DOP1B: variants seen among roughly 807,000 people sequenced by gnomAD.
The protein encoded by DOP1B is protein DOP1B.
Under a neutral mutation model 233.5 loss-of-function variants are expected in DOP1B, and 174 were observed. The observed-to-expected ratio is 0.75, with a 90% CI of 0.66 to 0.85. The LOEUF is 0.85. Ranked by LOEUF, DOP1B falls within the 40% of genes least tolerant of loss-of-function variation. DOP1B has a pLI of 0.00. For missense variants in DOP1B, 2,652 were observed against 2,846.6 expected (o/e 0.93, Z 1.56); for synonymous variants, 1,190 against 1,185.6 (o/e 1.00, Z -0.08).
At chr21:36,167,914 ATTTTC>A (rs1192987046) in intron 2 of DOP1B, among the ~76,000 whole-genome samples, 5 of 106,396 alleles carry the variant, frequency 4.7e-5, no homozygotes, top group Admixed American at 1.1e-4. Flanking sequence ...GGTAAGTCAC[ATTTTC>A]TTTTCTTTTC....
Position 36,245,188 on chromosome 21 carries a change from G to A in DOP1B, c.3208G>A (p.Glu1070Lys), listed in dbSNP as rs777497496. The A allele has an allele frequency of 1.4e-5, 23 of 1,613,948 alleles. No homozygotes were observed. Among genetic ancestry groups the A allele is most frequent in the Middle Eastern group, 1.6e-4 (1 of 6,082 alleles). The part of the protein sequence containing the change: ...TTVDREAIWA[E>K]VEKEPEKYPL... Reference sequence around the variant, plus strand: ...AGTGGACCGTGAAGCCATTTGGGCCGAAGTGGAGAAGGAGCCCGAGAAGTA... The same window carrying A: ...AGTGGACCGTGAAGCCATTTGGGCCAAAGTGGAGAAGGAGCCCGAGAAGTA... The change falls in exon 19 of 37, where the codon GAA becomes AAA. Residue 1070 changes from glutamate (E) to lysine (K), a missense_variant. Physicochemically the swap from Glu to Lys is moderately conservative, Grantham distance 56. Around this residue, in one of 3 missense-constraint regions of DOP1B, gnomAD observed 2,617 missense variants for 2,794.3 expected, o/e 0.94. Transcript: ENST00000691173. This position sits in a 1 kb window ranked among gnomAD's most constrained non-coding sequence, Gnocchi z 5.5.
chr21:36,212,817 C>T (rs890574939), intron 7 of DOP1B, among the ~76,000 whole-genome samples: 5 of 152,246 alleles, frequency 3.3e-5, no homozygotes, highest in South Asian at 2.1e-4. Context: ...AGTTTCACTC[C>T]GTCGCCCAGA....
intron 6 of DOP1B, 38 bp downstream of exon 6, chr21:36,211,689 T>G (rs544362091): frequency 1.3e-6 from 2 of 1,595,988 alleles, no homozygotes; most frequent in African/African-American, 2.7e-5. Flanking sequence ...TCACTGGTGT[T>G]TCCCAAGGGG....
chr21:36,217,092 A>G (rs965707517), intron 9 of DOP1B, among the ~76,000 whole-genome samples: 20 of 150,804 alleles, frequency 1.3e-4, no homozygotes, highest in Non-Finnish European at 4.4e-5. Flanking sequence ...AAAAAAAAAA[A>G]AAGAGAGCTG....
intron 2 of DOP1B, among the ~76,000 whole-genome samples, chr21:36,178,728 G>T (rs1569002633): frequency 1.3e-5 from 2 of 152,202 alleles, no homozygotes; most frequent in Non-Finnish European, 2.9e-5. Context: ...CAACATTCAA[G>T]CTTGTATTTG....
intron 17 of DOP1B, 30 bp from the exon 18 acceptor site, chr21:36,239,735 G>A (rs987386858): frequency 2.7e-6 from 4 of 1,503,900 alleles, no homozygotes; most frequent in Non-Finnish European, 3.6e-6. Flanking sequence ...GTGGCTGCGA[G>A]TGAACTCACT....
At chr21:36,159,004 C>T (rs1033288293) in intron 1 of DOP1B, among the ~76,000 whole-genome samples, 9 of 150,974 alleles carry the variant, frequency 6.0e-5, no homozygotes, top group Non-Finnish European at 8.9e-5. Context: ...TTGTGGCGGG[C>T]ACCTGTAATC....
intron 28 of DOP1B, among the ~76,000 whole-genome samples, chr21:36,277,571 G>A (rs1030446469): frequency 6.6e-6 from 1 of 151,986 alleles, no homozygotes; most frequent in Non-Finnish European, 1.5e-5. Flanking sequence ...GTGACCCACC[G>A]CTCCCAGCCA....
Position 36,211,731 on chromosome 21 carries a change from C to T in DOP1B, c.780+80C>T, listed in dbSNP as rs566453086. The T allele has an allele frequency of 1.7e-4, 243 of 1,457,334 alleles. No individual in the cohort carries two copies. In the African/African-American group the frequency reaches 2.7e-3, roughly 16 times the overall value. The allele number at this position is 1,457,334 out of a possible 1,614,324, so 90.3% of individuals were successfully genotyped here. A position where few individuals can be genotyped will look rare whatever the true frequency, so the allele number is the denominator to read the frequency against. ...ATAGATCTCAAGCAGTTCTGTCGTA[C>T]GAGGACAGCTCAGCCACTCATGGGC... On this transcript the variant is annotated intron_variant, in intron 6 of 36. Coordinates refer to ENST00000691173, the MANE Select transcript of DOP1B (RefSeq NM_001320714.2).
At position 36,245,846 on chromosome 21, in the gene DOP1B, T is replaced by C; in HGVS notation, c.3866T>C (p.Leu1289Pro). 1 of 1,613,656 alleles carries C rather than the reference T, an allele frequency of 6.2e-7. No individual in the cohort carries two copies. Among genetic ancestry groups the C allele is most frequent in the Non-Finnish European group, 8.5e-7 (1 of 1,179,958 alleles). The change falls in exon 19 of 37, where the codon CTC becomes CCC. Residue 1289 changes from leucine to proline, a missense_variant. By Grantham distance (98) the Leu-to-Pro change is moderately conservative. Around this residue, in one of 3 missense-constraint regions of DOP1B, gnomAD observed 2,617 missense variants for 2,794.3 expected, o/e 0.94. Coordinates refer to ENST00000691173, the MANE Select transcript of DOP1B (RefSeq NM_001320714.2). This position sits in a 1 kb window ranked among gnomAD's most constrained non-coding sequence, Gnocchi z 5.5. ...SNLLARHQEA[L>P]IGQSFYGKLQ... ...CTCCTCGCTCGCCACCAGGAGGCCCTCATTGGCCAGAGTTTCTACGGAAAG... is the reference window on the plus strand; with the variant it reads ...CTCCTCGCTCGCCACCAGGAGGCCCCCATTGGCCAGAGTTTCTACGGAAAG...
At chr21:36,178,770 TTTTAAA>T (rs1186073825) in intron 2 of DOP1B, among the ~76,000 whole-genome samples, 5 of 152,242 alleles carry the variant, frequency 3.3e-5, no homozygotes, top group Admixed American at 1.3e-4. Context: ...TTTACCTATC[TTTTAAA>T]AATAGTCTTT....
intron 2 of DOP1B, among the ~76,000 whole-genome samples, chr21:36,183,049 C>G (rs1311648121): frequency 1.3e-5 from 2 of 152,182 alleles, no homozygotes; most frequent in Non-Finnish European, 2.9e-5. Context: ...GAGGCAGGGT[C>G]TCACTATGTT....
At chr21:36,261,987 A>G in intron 24 of DOP1B, 2 of 983,896 alleles carry the variant, frequency 2.0e-6, no homozygotes, top group Non-Finnish European at 2.4e-6. Context: ...CATAGCCATC[A>G]GGAGTCTCAC....
chr21:36,239,324 A>G (rs1342147146), intron 17 of DOP1B, among the ~76,000 whole-genome samples: 3 of 151,704 alleles, frequency 2.0e-5, no homozygotes, highest in African/African-American at 7.3e-5. Context: ...GATGGCCTAG[A>G]CCTCCCCTGG....
chr21:36,199,720 AATG>A (rs565359399), intron 3 of DOP1B, among the ~76,000 whole-genome samples: 56 of 152,188 alleles, frequency 3.7e-4, no homozygotes, highest in South Asian at 2.5e-3. Flanking sequence ...GTTTGCTGAG[AATG>A]ATGGTTTCCA....
chr21:36,223,503 A>G (rs1407637231), intron 11 of DOP1B, among the ~76,000 whole-genome samples, 153 bp downstream of exon 11: 1 of 152,228 alleles, frequency 6.6e-6, no homozygotes. Flanking sequence ...GATTGGAAAG[A>G]ATTCACTTAA....
intron 2 of DOP1B, among the ~76,000 whole-genome samples, chr21:36,192,559 T>G (rs2066244997): frequency 6.6e-6 from 1 of 151,902 alleles, no homozygotes; most frequent in Admixed American, 6.6e-5. Context: ...TCTTTGTATT[T>G]TTTTAGTAGA....
chr21:36,255,899 A>T (rs2067090657), intron 23 of DOP1B, among the ~76,000 whole-genome samples: 3 of 152,180 alleles, frequency 2.0e-5, no homozygotes, highest in Non-Finnish European at 2.9e-5. Flanking sequence ...TCATTACAGC[A>T]GCCTGGAGGG....
intron 12 of DOP1B, among the ~76,000 whole-genome samples, chr21:36,225,964 G>C (rs2066677859): frequency 6.6e-6 from 1 of 152,224 alleles, no homozygotes; most frequent in Non-Finnish European, 1.5e-5. Flanking sequence ...TAGGGAAAGA[G>C]TCAATACATT....
Sources: gnomAD v4.1 joint callset for allele counts (sites outside exome capture counted in the v4.1 genomes callset) on GRCh38, gnomAD v4.1.1 for gene constraint, gnomAD v4.1.1 regional missense constraint, Gnocchi (gnomAD v3.1) non-coding constraint, MANE v1.5 for transcripts, NCBI Gene and HGNC (gene_info 2026-07-23, HGNC 2026-07-21) for gene names.